Variants in PIEZO2 observed in about 807,000 individuals in gnomAD.
The protein encoded by PIEZO2 is piezo type mechanosensitive ion channel component 2, also known as piezo-type mechanosensitive ion channel component 2.
Under a neutral mutation model 337.3 loss-of-function variants are expected in PIEZO2, and 172 were observed. That is an observed-to-expected ratio of 0.51 (90% CI 0.45 to 0.58). The LOEUF (loss-of-function observed/expected upper bound fraction) is 0.58, where lower values mean the gene tolerates loss of function less well. Ranked by LOEUF, PIEZO2 falls within the 20% of genes least tolerant of loss-of-function variation. The probability of loss-of-function intolerance (pLI) is 0.00; values close to 1 mark genes in which losing one functional copy is unlikely to be tolerated. For synonymous variants in PIEZO2, 1,251 were observed against 1,228.5 expected, an observed-to-expected ratio of 1.02 and a Z score of -0.38; for missense variants, 3,028 against 3,391.3, an observed-to-expected ratio of 0.89 and a Z score of 2.66.
rs1598405662 is a variant in PIEZO2, at chr18:10,726,668, C to T, written c.5029+4739G>A. The T allele has an allele frequency of 2.1e-6, 3 of 1,422,992 alleles. No individual in the cohort carries two copies. The allele number at this position is 1,422,992 out of a possible 1,614,324, so 88.1% of individuals were successfully genotyped here. A position where few individuals can be genotyped will look rare whatever the true frequency, so the allele number is the denominator to read the frequency against. Reference sequence around the variant, plus strand: ...GCCAAGCGCGGCCAGACAGACACCTCGCTGCCAAGTTAATTCAGCAAGGAC... The same window carrying T: ...GCCAAGCGCGGCCAGACAGACACCTTGCTGCCAAGTTAATTCAGCAAGGAC... On this transcript the variant is annotated intron_variant, in intron 36 of 55. Coordinates refer to ENST00000674853, the MANE Select transcript of PIEZO2 (RefSeq NM_001378183.1). This position sits in a 1 kb window ranked among gnomAD's most constrained non-coding sequence, Gnocchi z 5.9.
In PIEZO2 at chr18:10,935,999, ACT is replaced by A. The variant is rs375939337; in HGVS notation, c.287-24773_287-24772del. On this transcript the variant is annotated intron_variant, in intron 3 of 55. Coordinates refer to ENST00000674853, the MANE Select transcript of PIEZO2 (RefSeq NM_001378183.1). ...ATTTATTAAAAATGGCAGCCTCAAA[ACT>A]CTCTTTTCTACACAGGGTCACAGGT... Among the ~76,000 whole-genome samples the A allele has an allele frequency of 2.0e-4, 30 of 152,052 alleles. No homozygotes were observed. The South Asian group carries it at 5.2e-3, about 26-fold the overall frequency.
intron 1 of PIEZO2, among the ~76,000 whole-genome samples, chr18:11,090,146 A>T (rs2039032066): frequency 6.6e-6 from 1 of 152,140 alleles, no homozygotes; most frequent in Non-Finnish European, 1.5e-5. Flanking sequence ...TTTTCTATGG[A>T]TTCTCCATCA....
At position 10,998,133 on chromosome 18, in the gene PIEZO2, T is replaced by C. The variant is rs145102113; in HGVS notation, c.161-18473A>G. On this transcript the variant is annotated intron_variant, in intron 2 of 55. Transcript: ENST00000674853. Reference sequence around the variant, plus strand: ...CTTTAAATCTGCAAAAGAAAAGAATTATAAACTTAGAATTTTATACCCTGT... The same window carrying C: ...CTTTAAATCTGCAAAAGAAAAGAATCATAAACTTAGAATTTTATACCCTGT... Among the ~76,000 whole-genome samples, 3 of 152,222 alleles carry C rather than the reference T, an allele frequency of 2.0e-5. No individual in the cohort carries two copies. The East Asian group carries it at 5.8e-4, about 29-fold the overall frequency.
chr18:11,010,478 C>A (rs964194619), intron 2 of PIEZO2, among the ~76,000 whole-genome samples: 2 of 152,172 alleles, frequency 1.3e-5, no homozygotes, highest in African/African-American at 2.4e-5. Flanking sequence ...AAACTCCACA[C>A]GGGTCCACAA....
At chr18:10,902,629 A>C (rs1466121793) in intron 4 of PIEZO2, among the ~76,000 whole-genome samples, 1 of 152,208 alleles carries the variant, frequency 6.6e-6, no homozygotes, top group Non-Finnish European at 1.5e-5. Flanking sequence ...TAATAGTATA[A>C]ATAATATTAG....
chr18:10,831,215 A>G (rs113782287), intron 7 of PIEZO2, among the ~76,000 whole-genome samples: 2,250 of 152,316 alleles, frequency 0.015, 59 homozygotes, highest in African/African-American at 0.051. Context: ...TATCGAAGAG[A>G]TCTGAACATT....
chr18:10,873,625 A>G (rs2042192600), intron 4 of PIEZO2, among the ~76,000 whole-genome samples: 1 of 152,100 alleles, frequency 6.6e-6, no homozygotes, highest in Non-Finnish European at 1.5e-5. Context: ...GACAGACGGT[A>G]TTTAACTAGT....
chr18:11,090,087 G>C (rs1002852736), intron 1 of PIEZO2, among the ~76,000 whole-genome samples: 1 of 152,208 alleles, frequency 6.6e-6, no homozygotes, highest in African/African-American at 2.4e-5. Flanking sequence ...CCGGATGCTG[G>C]ATTCTGCCGG....
intron 27 of PIEZO2, among the ~76,000 whole-genome samples, chr18:10,755,719 T>C (rs1295177830): frequency 6.6e-6 from 1 of 152,052 alleles, no homozygotes; most frequent in African/African-American, 2.4e-5. Context: ...AGCCCTTGCA[T>C]GGCCACAGGG....
At chr18:10,772,595 T>C (rs1315197411) in intron 20 of PIEZO2, among the ~76,000 whole-genome samples, 1 of 152,216 alleles carries the variant, frequency 6.6e-6, no homozygotes, top group Admixed American at 6.5e-5. Context: ...TTCTTGCTAC[T>C]TTTTTTGTTT....
rs979199119 is a variant in PIEZO2, at chr18:10,813,519, T to C, written c.918-6245A>G. On this transcript the variant is annotated intron_variant, in intron 7 of 55. Coordinates refer to ENST00000674853, the MANE Select transcript of PIEZO2 (RefSeq NM_001378183.1). This position sits in a 1 kb window ranked among gnomAD's most constrained non-coding sequence, Gnocchi z 4.2. ...ATCCAATATTTGTCTTTTGTGACTG[T>C]CTTATTTTACGTAGCATGATGGCCT... is the stretch of plus-strand genomic sequence containing the variant. 1.3e-5 allele frequency among the ~76,000 whole-genome samples: 2 copies of C among 152,184 alleles called. No homozygotes were observed. The highest frequency in any genetic ancestry group is 4.8e-5 in the African/African-American group (2 of 41,424).
At chr18:10,944,584 T>A (rs991113434) in intron 3 of PIEZO2, among the ~76,000 whole-genome samples, 1 of 143,172 alleles carries the variant, frequency 7.0e-6, no homozygotes, top group African/African-American at 2.6e-5. Context: ...TAAGTGAAAG[T>A]AAAGAACACC....
At chr18:10,711,244 A>G (rs1251576176) in intron 39 of PIEZO2, among the ~76,000 whole-genome samples, 2 of 152,170 alleles carry the variant, frequency 1.3e-5, no homozygotes, top group African/African-American at 4.8e-5. Context: ...CATGGGGCAT[A>G]CTGTTCATTG....
rs1001837929 is a variant in PIEZO2 at position 11,097,541 on chromosome 18, T to G, written c.65-31319A>C. Among the ~76,000 whole-genome samples the G allele has an allele frequency of 6.6e-6, 1 of 152,208 alleles. No individual in the cohort carries two copies. Among genetic ancestry groups the G allele is most frequent in the Non-Finnish European group, 1.5e-5 (1 of 68,038 alleles). On this transcript the variant is annotated intron_variant, in intron 1 of 55. Coordinates refer to ENST00000674853, the MANE Select transcript of PIEZO2 (RefSeq NM_001378183.1). This position sits in a 1 kb window ranked among gnomAD's most constrained non-coding sequence, Gnocchi z 5.0. ...AAACACAGGGCCTGGCCATAACTGC[T>G]TCACAGTTTGAAGACAGCAAAAGCT... is the stretch of plus-strand genomic sequence containing the variant.
At chr18:10,910,926 G>C (rs1285403658) in intron 4 of PIEZO2, among the ~76,000 whole-genome samples, 1 of 151,636 alleles carries the variant, frequency 6.6e-6, no homozygotes, top group Admixed American at 6.6e-5. Flanking sequence ...TTTGTGTACT[G>C]TTTTACAGTT....
intron 7 of PIEZO2, among the ~76,000 whole-genome samples, chr18:10,852,559 A>C (rs1173886840): frequency 1.3e-5 from 2 of 152,228 alleles, no homozygotes; most frequent in East Asian, 3.8e-4. Context: ...AATCAAAGCA[A>C]GGCCACTGGG....
intron 48 of PIEZO2, among the ~76,000 whole-genome samples, chr18:10,690,222 G>A (rs1003063730): frequency 7.9e-5 from 12 of 152,206 alleles, no homozygotes; most frequent in African/African-American, 2.9e-4. Context: ...AAGGCAGAGG[G>A]AGAAGGAGAG....
At position 10,861,502 on chromosome 18, in the gene PIEZO2, C is replaced by A. The variant is rs1274446357; in HGVS notation, c.493-4291G>T. Among the ~76,000 whole-genome samples the A allele has an allele frequency of 6.6e-6, 1 of 152,028 alleles. No individual in the cohort carries two copies. The highest frequency in any genetic ancestry group is 1.5e-5 in the Non-Finnish European group (1 of 68,020). Reference sequence around the variant, plus strand: ...TATGCTAATTGAAATAAGCCAGGCACAGAAAGACAAATACGGCATGATCTC... The same window carrying A: ...TATGCTAATTGAAATAAGCCAGGCAAAGAAAGACAAATACGGCATGATCTC... On this transcript the variant is annotated intron_variant, in intron 5 of 55. Coordinates refer to ENST00000674853, the MANE Select transcript of PIEZO2 (RefSeq NM_001378183.1). The surrounding 1 kb of genome is among the most constrained non-coding windows in gnomAD (Gnocchi z 4.3).
intron 47 of PIEZO2, among the ~76,000 whole-genome samples, chr18:10,694,422 C>A (rs1567955843): frequency 6.6e-6 from 1 of 152,178 alleles, no homozygotes; most frequent in East Asian, 1.9e-4. Flanking sequence ...TATTAGCCTG[C>A]CTGTTTGATA....
Sources: gnomAD v4.1 joint callset for allele counts (sites outside exome capture counted in the v4.1 genomes callset) on GRCh38, gnomAD v4.1.1 for gene constraint, Gnocchi (gnomAD v3.1) non-coding constraint, MANE v1.5 for transcripts, NCBI Gene and HGNC (gene_info 2026-07-23, HGNC 2026-07-21) for gene names.